Variants in GPR89B observed in about 807,000 individuals in gnomAD.
GPR89B encodes the protein golgi pH regulator B, also known as G protein-coupled receptor 89B.
GPR89B carries 25 observed loss-of-function variants against 52.4 expected under a neutral mutation model. The observed-to-expected ratio is 0.48, with a 90% CI of 0.35 to 0.67. The LOEUF is 0.67. GPR89B is among the 30% of genes least tolerant of loss of function. The pLI is 0.01. For synonymous variants in GPR89B, 52 were observed against 151.2 expected, an observed-to-expected ratio of 0.34 and a Z score of 4.81; for missense variants, 146 against 450.2, an observed-to-expected ratio of 0.32 and a Z score of 6.11.
At chr1:147,998,530 A>G (rs1442171562), downstream of GPR89B, among the ~76,000 whole-genome samples, 1 of 152,130 alleles carries the variant, frequency 6.6e-6, no homozygotes, top group Non-Finnish European at 1.5e-5. Context: ...CAAGCAAACC[A>G]ACTGTATCTG....
At chr1:147,956,518 A>G (rs1226062807) in intron 7 of GPR89B, among the ~76,000 whole-genome samples, 1 of 151,974 alleles carries the variant, frequency 6.6e-6, no homozygotes, top group Non-Finnish European at 1.5e-5. Flanking sequence ...TGTTCAATGA[A>G]CATTCCAAAA....
chr1:148,025,445 C>T, the GPR89B span, among the ~76,000 whole-genome samples: 1 of 148,376 alleles, frequency 6.7e-6, no homozygotes, highest in Non-Finnish European at 1.5e-5. Context: ...ATCGTTTGAA[C>T]CCGGGAGGCA....
chr1:148,007,863 G>A, the GPR89B span, among the ~76,000 whole-genome samples: 1 of 151,310 alleles, frequency 6.6e-6, no homozygotes, highest in Middle Eastern at 3.4e-3. Flanking sequence ...TGGTAACTGA[G>A]TAGTAAGTAG....
At chr1:147,994,249 A>G (rs1433344168), downstream of GPR89B, 3 of 1,601,930 alleles carry the variant, frequency 1.9e-6, no homozygotes, top group Non-Finnish European at 2.6e-6. Context: ...ATTCCTATTA[A>G]ATACCCAGAA....
chr1:148,012,313 G>C, the GPR89B span: 1 of 151,456 alleles, frequency 6.6e-6, no homozygotes, highest in South Asian at 2.1e-4. Flanking sequence ...GTGCTGATTT[G>C]TGTAACGGAA....
chr1:147,972,676 T>C (rs1283282191), intron 10 of GPR89B, among the ~76,000 whole-genome samples: 18 of 151,856 alleles, frequency 1.2e-4, no homozygotes, highest in African/African-American at 4.4e-4. Flanking sequence ...AATTTTAAGT[T>C]CTGAGGTACA....
chr1:147,986,304 A>T lies in GPR89B; in HGVS notation c.1005+10A>T, dbSNP rs1338436337. The stretch of plus-strand genomic sequence containing the variant: ...GGGAATCCAATTTGATGTAAGTGTT[A>T]TATCAAGATCCTGGTTTGTCATGTT... On this transcript the variant is annotated intron_variant, in intron 11 of 13. Coordinates refer to ENST00000314163, the MANE Select transcript of GPR89B (RefSeq NM_016334.5). 177 of 1,610,942 alleles carry T rather than the reference A, an allele frequency of 1.1e-4. No homozygotes were observed. The highest frequency in any genetic ancestry group is 9.0e-4 in the Middle Eastern group (4 of 4,426).
At chr1:147,956,835 T>C (rs1287317155) in intron 7 of GPR89B, among the ~76,000 whole-genome samples, 1 of 151,818 alleles carries the variant, frequency 6.6e-6, no homozygotes, top group Non-Finnish European at 1.5e-5. Context: ...CCTCCCAGAT[T>C]CAAGCAATTC....
At position 147,957,331 on chromosome 1, in the gene GPR89B, G is replaced by C. The variant is rs1444340418; in HGVS notation, c.617+2929G>C. On this transcript the variant is annotated intron_variant, in intron 7 of 13. Coordinates refer to ENST00000314163, the MANE Select transcript of GPR89B (RefSeq NM_016334.5). ...CTTGAACTAGTTACTTTATGTCTTT[G>C]TGCCTCATTTGTAAAATAGAGGTAA... is the stretch of plus-strand genomic sequence containing the variant. Among the ~76,000 whole-genome samples the C allele has an allele frequency of 7.9e-3, 1,194 of 151,954 alleles. 19 individuals are homozygous for C. Among genetic ancestry groups the C allele is most frequent in the East Asian group, 0.047 (242 of 5,162 alleles).
chr1:148,012,751 G>C, the GPR89B span, among the ~76,000 whole-genome samples: 1 of 151,902 alleles, frequency 6.6e-6, no homozygotes. Context: ...TCCTTGATCC[G>C]ATGTAGTAAA....
At chr1:147,997,807 G>T (rs1207297865), downstream of GPR89B, among the ~76,000 whole-genome samples, 37 of 152,278 alleles carry the variant, frequency 2.4e-4, no homozygotes, top group Admixed American at 1.6e-3. Flanking sequence ...TGGTGAGAGG[G>T]TGACAGCTGT....
In GPR89B at chr1:147,988,533, C is replaced by T; in HGVS notation, c.1095+12C>T. ...TCACTCTTACCAAGGTATGTTTTAT[C>T]ACAGTGTTAAAAAGTACTGCTTATC... On this transcript the variant is annotated intron_variant, in intron 12 of 13. Transcript: ENST00000314163. 8.0e-7 allele frequency: 1 copy of T among 1,243,702 alleles called. No individual in the cohort carries two copies. The highest frequency in any genetic ancestry group is 1.2e-6 in the Non-Finnish European group (1 of 850,872). The allele number at this position is 1,243,702 out of a possible 1,614,324, so 77.0% of individuals were successfully genotyped here. A position where few individuals can be genotyped will look rare whatever the true frequency, so the allele number is the denominator to read the frequency against.
intron 7 of GPR89B, among the ~76,000 whole-genome samples, chr1:147,961,704 A>G (rs1553252268): frequency 6.6e-6 from 1 of 152,136 alleles, no homozygotes; most frequent in East Asian, 1.9e-4. Context: ...ATGAACATCA[A>G]ATGTTTAAAT....
downstream of GPR89B, chr1:147,995,838 C>T: frequency 2.6e-6 from 4 of 1,538,032 alleles, no homozygotes; most frequent in Non-Finnish European, 2.7e-6. Context: ...TCAATGATGA[C>T]ATCCTCATCC....
At chr1:147,983,918 G>A (rs1658461320) in intron 10 of GPR89B, among the ~76,000 whole-genome samples, 2 of 151,680 alleles carry the variant, frequency 1.3e-5, no homozygotes, top group Admixed American at 6.6e-5. Flanking sequence ...CAAAGACTTG[G>A]AACCAACCCA....
chr1:147,994,566 C>G (rs1462533617), downstream of GPR89B, among the ~76,000 whole-genome samples: 1 of 152,150 alleles, frequency 6.6e-6, no homozygotes, highest in Non-Finnish European at 1.5e-5. Flanking sequence ...GAGCCTGAAT[C>G]AGATGATCTA....
At chr1:147,943,789 T>A (rs1217622908) in intron 4 of GPR89B, among the ~76,000 whole-genome samples, 2 of 152,176 alleles carry the variant, frequency 1.3e-5, no homozygotes, top group Non-Finnish European at 2.9e-5. Flanking sequence ...ATTAATAATG[T>A]CTCCGTTAGT....
At chr1:147,998,602 G>A in the GPR89B span, among the ~76,000 whole-genome samples, 1 of 151,962 alleles carries the variant, frequency 6.6e-6, no homozygotes, top group African/African-American at 2.4e-5. Context: ...GATTTTGGCC[G>A]GGCTTGGTGG....
intron 7 of GPR89B, among the ~76,000 whole-genome samples, chr1:147,961,664 A>G (rs1316037827): frequency 6.6e-6 from 1 of 152,122 alleles, no homozygotes; most frequent in South Asian, 2.1e-4. Context: ...TTTTAAATCA[A>G]TTGTCTTTCT....
Sources: allele counts gnomAD v4.1 joint callset (sites outside exome capture counted in the v4.1 genomes callset), GRCh38; gene constraint gnomAD v4.1.1; transcripts MANE v1.5; gene names NCBI Gene and HGNC (gene_info 2026-07-23, HGNC 2026-07-21).